SCNN1B: variants seen among roughly 807,000 people sequenced by gnomAD.
SCNN1B encodes sodium channel epithelial 1 subunit beta, also known as epithelial sodium channel subunit beta.
SCNN1B carries 46 observed loss-of-function variants against 65.3 expected under a neutral mutation model. That is an observed-to-expected ratio of 0.70 (90% CI 0.56 to 0.90). The LOEUF (loss-of-function observed/expected upper bound fraction) is 0.90, where lower values mean the gene tolerates loss of function less well. Ranked by LOEUF, SCNN1B falls within the 40% of genes least tolerant of loss-of-function variation. SCNN1B has a pLI of 0.00. For missense variants in SCNN1B, 751 were observed against 830.5 expected, an observed-to-expected ratio of 0.90 and a Z score of 1.18; for synonymous variants, 349 against 330.6, an observed-to-expected ratio of 1.06 and a Z score of -0.60.
chr16:23,336,787 G>A (rs945898336), intron 1 of SCNN1B, among the ~76,000 whole-genome samples: 23 of 152,064 alleles, frequency 1.5e-4, no homozygotes, highest in African/African-American at 5.3e-4. Flanking sequence ...TTTCACAGGT[G>A]TAATATTGCT....
Position 23,352,930 on chromosome 16 carries a change from C to G in SCNN1B, c.441C>G (p.His147Gln), listed in dbSNP as rs1156486124. ...TRNLNFSIWN[H>Q]TPLVLIDERN... Reference sequence around the variant, plus strand: ...ACCTGAACTTCTCCATCTGGAACCACACACCCCTGGTCCTTATTGATGAAC... The same window carrying G: ...ACCTGAACTTCTCCATCTGGAACCAGACACCCCTGGTCCTTATTGATGAAC... The change falls in exon 3 of 13, where the codon CAC becomes CAG. Residue 147 changes from histidine (H) to glutamine (Q), a missense_variant. Physicochemically the swap from His to Gln is conservative, Grantham distance 24. Transcript: ENST00000343070. 5 of 1,614,096 alleles carry G rather than the reference C, an allele frequency of 3.1e-6. No homozygotes were observed. The highest frequency in any genetic ancestry group is 3.4e-6 in the Non-Finnish European group (4 of 1,180,048).
chr16:23,316,324 G>C (rs1358953073), intron 1 of SCNN1B, among the ~76,000 whole-genome samples: 69 of 91,776 alleles, frequency 7.5e-4, no homozygotes, highest in African/African-American at 1.2e-3. Context: ...TCACCATCAT[G>C]ATCACCATCA....
At chr16:23,280,776 C>T (rs1381852616) in intron 1 of SCNN1B, among the ~76,000 whole-genome samples, 1 of 152,138 alleles carries the variant, frequency 6.6e-6, no homozygotes, top group East Asian at 1.9e-4. Flanking sequence ...CCTCACCAGC[C>T]CCTAGCACAG....
chr16:23,278,629 T>C (rs1296869682), intron 1 of SCNN1B, among the ~76,000 whole-genome samples: 1 of 152,092 alleles, frequency 6.6e-6, no homozygotes, highest in African/African-American at 2.4e-5. Flanking sequence ...ACAAATGTTT[T>C]GGAATTAGAG....
intron 1 of SCNN1B, among the ~76,000 whole-genome samples, chr16:23,340,167 G>T (rs983777134): frequency 2.6e-5 from 4 of 152,114 alleles, no homozygotes; most frequent in African/African-American, 9.7e-5. Flanking sequence ...TTATTTAGTT[G>T]TAAGAGTTCT....
chr16:23,341,860 A>G (rs1962061304), intron 1 of SCNN1B, among the ~76,000 whole-genome samples: 1 of 152,138 alleles, frequency 6.6e-6, no homozygotes, highest in African/African-American at 2.4e-5. Context: ...AGAGATTAGA[A>G]CTCTCACACA....
chr16:23,375,604 C>T (rs1199026575), intron 7 of SCNN1B, 134 bp from the exon 8 acceptor site: 1 of 767,576 alleles, frequency 1.3e-6, no homozygotes, highest in South Asian at 1.4e-5. Context: ...AGCTTCTCAG[C>T]CCTGGAGCAC....
intron 8 of SCNN1B, 85 bp downstream of exon 8, chr16:23,375,940 C>T (rs1962885401): frequency 6.2e-6 from 6 of 968,080 alleles, no homozygotes; most frequent in South Asian, 5.2e-5. Flanking sequence ...GAGCTCAGTG[C>T]CCTCAGCAGA....
intron 7 of SCNN1B, among the ~76,000 whole-genome samples, chr16:23,374,171 C>T (rs1021930739): frequency 4.1e-5 from 6 of 145,024 alleles, no homozygotes; most frequent in Non-Finnish European, 7.5e-5. Context: ...GAGGCTGAGG[C>T]GGGAGGATCA....
chr16:23,345,751 GA>G (rs1962172684), intron 1 of SCNN1B, among the ~76,000 whole-genome samples: 1 of 152,212 alleles, frequency 6.6e-6, no homozygotes, highest in South Asian at 2.1e-4. Context: ...ATCTTCACCT[GA>G]AACCTCAGTG....
Position 23,365,382 on chromosome 16 carries a change from A to G in SCNN1B, c.777-2474A>G, listed in dbSNP as rs564573252. Among the ~76,000 whole-genome samples, 30 of 149,674 alleles carry G rather than the reference A, an allele frequency of 2.0e-4. 1 individual carries two copies. In the South Asian group the frequency reaches 6.5e-3, roughly 32 times the overall value. The stretch of plus-strand genomic sequence containing the variant: ...GAGAAAGAGAGAAAGGGAAGAAGGG[A>G]GGAAGGAAGGAAAAGGAAAGAAAAG... On this transcript the variant is annotated intron_variant, in intron 4 of 12. Coordinates refer to ENST00000343070, the MANE Select transcript of SCNN1B (RefSeq NM_000336.3).
intron 2 of SCNN1B, among the ~76,000 whole-genome samples, chr16:23,350,172 T>C (rs1962279214): frequency 6.6e-6 from 1 of 152,210 alleles, no homozygotes; most frequent in African/African-American, 2.4e-5. Context: ...ATTGGTGTCA[T>C]TCTAATCCAC....
At chr16:23,370,504 G>A (rs945666942) in intron 5 of SCNN1B, among the ~76,000 whole-genome samples, 4 of 152,164 alleles carry the variant, frequency 2.6e-5, no homozygotes, top group African/African-American at 2.4e-5. Flanking sequence ...TCAACTCCAC[G>A]TAGCTCAGGA....
chr16:23,377,584 C>A (rs62029390), intron 10 of SCNN1B, among the ~76,000 whole-genome samples, 198 bp downstream of exon 10: 243 of 50,340 alleles, frequency 4.8e-3, no homozygotes, highest in African/African-American at 5.6e-3. Context: ...CCCTTCCTCC[C>A]TCCCTTCTCC....
At chr16:23,371,702 T>C in intron 6 of SCNN1B, 74 bp from the exon 7 acceptor site, 3 of 1,292,382 alleles carry the variant, frequency 2.3e-6, no homozygotes, top group Non-Finnish European at 3.4e-6. Context: ...CCCCAAATGC[T>C]TGATAGAAGG....
chr16:23,313,608 T>C (rs1961389787), intron 1 of SCNN1B, among the ~76,000 whole-genome samples: 1 of 152,184 alleles, frequency 6.6e-6, no homozygotes, highest in South Asian at 2.1e-4. Context: ...CCGATTTTTG[T>C]GTGTGGTTTG....
intron 3 of SCNN1B, among the ~76,000 whole-genome samples, chr16:23,354,361 C>A (rs372884078): frequency 6.6e-6 from 1 of 152,226 alleles, no homozygotes; most frequent in Non-Finnish European, 1.5e-5. Context: ...GCTGGCCGGG[C>A]GTGTTGGGAA....
Position 23,348,726 on chromosome 16 carries a change from T to C in SCNN1B, c.127T>C (p.Cys43Arg). Reference sequence around the variant, plus strand: ...CACCCACGGCCCCAAGCGCATCATCTGTGAGGGGCCCAAGAAGAAAGCCAT... The same window carrying C: ...CACCCACGGCCCCAAGCGCATCATCCGTGAGGGGCCCAAGAAGAAAGCCAT... The part of the protein sequence containing the change: ...TNTHGPKRII[C>R]EGPKKKAMWF... The change falls in exon 2 of 13, where the codon TGT (cysteine) becomes CGT (arginine). Residue 43 changes from cysteine (C) to arginine (R), a missense_variant. By Grantham distance (180) the Cys-to-Arg change is radical. Coordinates refer to ENST00000343070, the MANE Select transcript of SCNN1B (RefSeq NM_000336.3). The surrounding 1 kb of genome is among the most constrained non-coding windows in gnomAD (Gnocchi z 4.5). The C allele has an allele frequency of 6.2e-7, 1 of 1,614,206 alleles. No individual in the cohort carries two copies.
At chr16:23,310,663 C>G (rs1400007493) in intron 1 of SCNN1B, among the ~76,000 whole-genome samples, 3 of 152,044 alleles carry the variant, frequency 2.0e-5, no homozygotes, top group African/African-American at 7.2e-5. Context: ...GGCAACACAG[C>G]GAGACCCTGT....
Sources: gnomAD v4.1 joint callset for allele counts (sites outside exome capture counted in the v4.1 genomes callset) on GRCh38, gnomAD v4.1.1 for gene constraint, Gnocchi (gnomAD v3.1) non-coding constraint, MANE v1.5 for transcripts, NCBI Gene and HGNC (gene_info 2026-07-23, HGNC 2026-07-21) for gene names.